Variants in DOP1B observed in about 807,000 individuals in gnomAD.
DOP1B encodes protein DOP1B.
DOP1B carries 174 observed loss-of-function variants against 233.5 expected under a neutral mutation model. The observed-to-expected ratio is 0.75, with a 90% CI of 0.66 to 0.85. The LOEUF is 0.85. DOP1B is among the 40% of genes least tolerant of loss of function. The pLI is 0.00. For synonymous variants in DOP1B, 1,190 were observed against 1,185.6 expected, an observed-to-expected ratio of 1.00 and a Z score of -0.08; for missense variants, 2,652 against 2,846.6, an observed-to-expected ratio of 0.93 and a Z score of 1.56.
At chr21:36,221,363 G>T (rs9978201) in intron 10 of DOP1B, among the ~76,000 whole-genome samples, 2,180 of 151,694 alleles carry the variant, frequency 0.014, 23 homozygotes, top group Non-Finnish European at 0.021. Context: ...GGTGTGGTGG[G>T]CCATGCCTGT....
chr21:36,237,419 G>C lies in DOP1B; in HGVS notation c.2775+5G>C, dbSNP rs768146828. On this transcript the variant is annotated splice_donor_5th_base_variant and intron_variant, in intron 16 of 36. Transcript: ENST00000691173. ...GCCCTCCTGGACCCTGACAAGGTGAGCCTTTCTGGCCGCCACCTCCATCCT... is the reference window on the plus strand; with the variant it reads ...GCCCTCCTGGACCCTGACAAGGTGACCCTTTCTGGCCGCCACCTCCATCCT... 4 of 1,613,526 alleles carry C rather than the reference G, an allele frequency of 2.5e-6. No homozygotes were observed. Among genetic ancestry groups the C allele is most frequent in the Middle Eastern group, 1.6e-4 (1 of 6,084 alleles).
chr21:36,230,421 C>T (rs758187812), intron 13 of DOP1B, 29 bp from the exon 14 acceptor site: 1 of 1,578,056 alleles, frequency 6.3e-7, no homozygotes, highest in Non-Finnish European at 8.6e-7. Context: ...TTAAGAGATG[C>T]ACAATTCACA....
intron 33 of DOP1B, 120 bp from the exon 34 acceptor site, chr21:36,288,636 G>A: frequency 4.0e-6 from 3 of 757,792 alleles, no homozygotes; most frequent in Non-Finnish European, 6.5e-6. Context: ...GGGTGACAGA[G>A]TAAGACCCCG....
At chr21:36,163,653 A>G (rs572301865) in intron 1 of DOP1B, among the ~76,000 whole-genome samples, 1 of 152,358 alleles carries the variant, frequency 6.6e-6, no homozygotes, top group Non-Finnish European at 1.5e-5. Flanking sequence ...ACTGAGCAGT[A>G]CTGGTGAAAT....
rs751038454 is a variant in DOP1B, at chr21:36,230,462, G to C, written c.1678G>C (p.Gly560Arg). 6.2e-7 allele frequency: 1 copy of C among 1,609,020 alleles called. No individual in the cohort carries two copies. Among genetic ancestry groups the C allele is most frequent in the Non-Finnish European group, 8.5e-7 (1 of 1,175,710 alleles). The change falls in exon 14 of 37, where the codon GGT becomes CGT. Residue 560 changes from glycine (G) to arginine (R), a missense_variant. Transcript: ENST00000691173. Reference sequence around the variant, plus strand: ...TTATTTTTTACAGAGTCCAGTAAAAGGTGAAAACGGCAAAATAATTTTGGA... The same window carrying C: ...TTATTTTTTACAGAGTCCAGTAAAACGTGAAAACGGCAAAATAATTTTGGA... Reference protein sequence around the residue: ...STSGTSSPVKGENGKIILETK... With the variant: ...STSGTSSPVKRENGKIILETK...
At position 36,289,154 on chromosome 21, in the gene DOP1B, T is replaced by G. The variant is rs1374740540; in HGVS notation, c.6463T>G (p.Phe2155Val). 1 of 1,614,112 alleles carries G rather than the reference T, an allele frequency of 6.2e-7. No individual in the cohort carries two copies. Among genetic ancestry groups the G allele is most frequent in the South Asian group, 1.1e-5 (1 of 91,048 alleles). Residue 2155 changes from phenylalanine to valine, a missense_variant, in exon 35 of 37, where the codon TTC (phenylalanine) becomes GTC (valine). Around this residue, in one of 3 missense-constraint regions of DOP1B, gnomAD observed 2,617 missense variants for 2,794.3 expected, o/e 0.94. Transcript: ENST00000691173. The part of the protein sequence containing the change: ...ELILYLSACK[F>V]LDTALSFPPD... ...CATCTTGTATTTATCAGCTTGCAAA[T>G]TCTTGGACACAGCGCTTTCTTTTCC...
At position 36,227,673 on chromosome 21, in the gene DOP1B, G is replaced by A. The variant is rs551047886; in HGVS notation, c.1474-13G>A. On this transcript the variant is annotated splice_polypyrimidine_tract_variant and intron_variant, in intron 12 of 36. Transcript: ENST00000691173. ...CCAACATTGTGGGGTTAACCTACAC[G>A]TTTATTTCACAGGAACTTTACTCTG... is the stretch of plus-strand genomic sequence containing the variant. 2.8e-5 allele frequency: 43 copies of A among 1,510,852 alleles called. 1 individual carries two copies. The highest frequency in any genetic ancestry group is 3.6e-4 in the Middle Eastern group (2 of 5,560). The allele number at this position is 1,510,852 out of a possible 1,614,324, so 93.6% of individuals were successfully genotyped here.
At chr21:36,208,035 CG>C (rs1309084135) in intron 4 of DOP1B, among the ~76,000 whole-genome samples, 5 of 152,156 alleles carry the variant, frequency 3.3e-5, no homozygotes, top group Non-Finnish European at 5.9e-5. Flanking sequence ...CTTTGTATCA[CG>C]GGAGACCTAG....
chr21:36,219,100 G>C (rs755234702), intron 9 of DOP1B, among the ~76,000 whole-genome samples: 2 of 152,178 alleles, frequency 1.3e-5, no homozygotes, highest in African/African-American at 4.8e-5. Flanking sequence ...CTGCATGGCT[G>C]TTACGAGGGT....
chr21:36,227,343 C>A (rs181348895), intron 12 of DOP1B, among the ~76,000 whole-genome samples: 18 of 151,570 alleles, frequency 1.2e-4, no homozygotes, highest in East Asian at 3.9e-4. Flanking sequence ...GTCAGGAGAT[C>A]GAGACCATCC....
chr21:36,286,950 T>C (rs2067491855), intron 32 of DOP1B, among the ~76,000 whole-genome samples: 1 of 150,320 alleles, frequency 6.7e-6, no homozygotes, highest in African/African-American at 2.5e-5. Context: ...GGCAACAGAG[T>C]GAGACTCCAT....
At chr21:36,192,658 A>G (rs1176561649) in intron 2 of DOP1B, among the ~76,000 whole-genome samples, 1 of 151,206 alleles carries the variant, frequency 6.6e-6, no homozygotes, top group African/African-American at 2.4e-5. Context: ...TGCTGGGATT[A>G]CAGGTGTGAG....
intron 1 of DOP1B, among the ~76,000 whole-genome samples, chr21:36,158,352 A>G (rs2065839001): frequency 6.6e-6 from 1 of 152,198 alleles, no homozygotes; most frequent in Non-Finnish European, 1.5e-5. Flanking sequence ...TATCAGTAGC[A>G]TAATGTAGTG....
In DOP1B at chr21:36,245,721, G is replaced by A. The variant is rs753015545; in HGVS notation, c.3741G>A (p.Leu1247=). 6 of 1,613,828 alleles carry A rather than the reference G, an allele frequency of 3.7e-6. No individual in the cohort carries two copies. Among genetic ancestry groups the A allele is most frequent in the Non-Finnish European group, 5.1e-6 (6 of 1,179,988 alleles). Residue 1247 remains leucine, a synonymous_variant, in exon 19 of 37, where the codon CTG becomes CTA. Transcript: ENST00000691173. The surrounding 1 kb of genome is among the most constrained non-coding windows in gnomAD (Gnocchi z 5.5). ...SRRVLYAFSV[L]EAVLKTNPKE... Reference sequence around the variant, plus strand: ...GGGTCCTCTATGCCTTCTCGGTGCTGGAGGCTGTGCTCAAAACCAACCCTA... The same window carrying A: ...GGGTCCTCTATGCCTTCTCGGTGCTAGAGGCTGTGCTCAAAACCAACCCTA...
chr21:36,260,714 G>C lies in DOP1B; in HGVS notation c.5297G>C (p.Cys1766Ser). 6.2e-7 allele frequency: 1 copy of C among 1,613,920 alleles called. No homozygotes were observed. ...PLVDIPVLQF[C>S]YAFLQRLPVP... ...GTGGACATTCCTGTGTTGCAGTTTTGCTATGCTTTTCTCCAAAGGTAATAC... is the reference window on the plus strand; with the variant it reads ...GTGGACATTCCTGTGTTGCAGTTTTCCTATGCTTTTCTCCAAAGGTAATAC... The change falls in exon 24 of 37, where the codon TGC (cysteine) becomes TCC (serine). Residue 1766 changes from cysteine (C) to serine (S), a missense_variant. By Grantham distance (112) the Cys-to-Ser change is moderately radical. Transcript: ENST00000691173.
chr21:36,266,263 G>A (rs145171818), intron 26 of DOP1B, among the ~76,000 whole-genome samples: 4,519 of 152,134 alleles, frequency 0.03, 213 homozygotes, highest in African/African-American at 0.1. Flanking sequence ...TGCAACCTCC[G>A]CCTCCCAGGT....
chr21:36,279,342 C>T (rs887134720), intron 30 of DOP1B, among the ~76,000 whole-genome samples: 10 of 151,904 alleles, frequency 6.6e-5, no homozygotes, highest in African/African-American at 2.4e-4. Flanking sequence ...CGCTTGAGCC[C>T]AGGAGGTTGA....
chr21:36,209,190 C>T (rs945489693), intron 5 of DOP1B, among the ~76,000 whole-genome samples: 41 of 152,292 alleles, frequency 2.7e-4, no homozygotes, highest in African/African-American at 9.9e-4. Context: ...GGCACAACCT[C>T]GACTCACTGC....
At position 36,245,671 on chromosome 21, in the gene DOP1B, T is replaced by C. The variant is rs141511892; in HGVS notation, c.3691T>C (p.Tyr1231His). The C allele has an allele frequency of 9.9e-6, 16 of 1,613,526 alleles. No individual in the cohort carries two copies. The highest frequency in any genetic ancestry group is 1.4e-5 in the Non-Finnish European group (16 of 1,180,004). Residue 1231 changes from tyrosine to histidine, a missense_variant, in exon 19 of 37, where the codon TAC becomes CAC. Transcript: ENST00000691173. The surrounding 1 kb of genome is among the most constrained non-coding windows in gnomAD (Gnocchi z 5.5). ...VEALFKHILL[Y>H]LQPYDSRRVL... is the part of the protein sequence containing the mutation. The stretch of plus-strand genomic sequence containing the variant: ...GGCCTTGTTCAAGCACATCCTGCTC[T>C]ACCTGCAGCCCTACGACTCTCGGCG...
Sources: gnomAD v4.1 joint callset for allele counts (sites outside exome capture counted in the v4.1 genomes callset) on GRCh38, gnomAD v4.1.1 for gene constraint, gnomAD v4.1.1 regional missense constraint, Gnocchi (gnomAD v3.1) non-coding constraint, MANE v1.5 for transcripts, NCBI Gene and HGNC (gene_info 2026-07-23, HGNC 2026-07-21) for gene names.